ZNF184: variants seen among roughly 807,000 people sequenced by gnomAD.
The protein encoded by ZNF184 is zinc finger protein 184 (Kruppel-like).
Under a neutral mutation model 54.4 loss-of-function variants are expected in ZNF184, and 16 were observed. The observed-to-expected ratio is 0.29, with a 90% CI of 0.20 to 0.45. The LOEUF (loss-of-function observed/expected upper bound fraction) is 0.45, where lower values mean the gene tolerates loss of function less well. Among genes scored for constraint, ZNF184 ranks in the 20% least tolerant of loss-of-function variants. The pLI is 1.00. For synonymous variants in ZNF184, 254 were observed against 295.3 expected, an observed-to-expected ratio of 0.86 and a Z score of 1.43; for missense variants, 681 against 888.2, an observed-to-expected ratio of 0.77 and a Z score of 2.97.
the ZNF184 span, among the ~76,000 whole-genome samples, chr6:27,431,844 A>G: frequency 1.3e-5 from 2 of 152,322 alleles, no homozygotes; most frequent in East Asian, 3.9e-4. Context: ...GGCACGATGG[A>G]TGCCCCACAA....
chr6:27,447,214 A>T (rs191433178), downstream of ZNF184, among the ~76,000 whole-genome samples: 2 of 152,290 alleles, frequency 1.3e-5, no homozygotes, highest in East Asian at 3.9e-4. Flanking sequence ...CATCTGATTC[A>T]GATGAGACTC....
In ZNF184 at chr6:27,451,877, T is replaced by A; in HGVS notation, c.1682A>T (p.His561Leu). 6.2e-7 allele frequency: 1 copy of A among 1,612,602 alleles called. No homozygotes were observed. Among genetic ancestry groups the A allele is most frequent in the Non-Finnish European group, 8.5e-7 (1 of 1,179,998 alleles). The change falls in exon 6 of 6, where the codon CAT (histidine) becomes CTT (leucine). Residue 561 changes from histidine to leucine, a missense_variant. Physicochemically the swap from His to Leu is moderately conservative, Grantham distance 99. Transcript: ENST00000683788. ...ATAACTGAAGGTTTTCCCACATTCA[T>A]GACACTGATAGGGTTTCTCTCCAGT... is the stretch of plus-strand genomic sequence containing the variant. ...IHTGEKPYQC[H>L]ECGKTFSYGS...
chr6:27,442,880 A>AGAAAAGAAAG, the ZNF184 span, among the ~76,000 whole-genome samples: 2 of 86,174 alleles, frequency 2.3e-5, no homozygotes, highest in Admixed American at 1.2e-4. Flanking sequence ...GAAAGAAAGA[A>AGAAAAGAAAG]AAAGAAAAAA....
chr6:27,433,060 C>A, the ZNF184 span, among the ~76,000 whole-genome samples: 2 of 152,170 alleles, frequency 1.3e-5, no homozygotes, highest in South Asian at 4.1e-4. Context: ...ATGACTTCAA[C>A]CCCAGCCTTC....
chr6:27,421,899 G>C, the ZNF184 span, among the ~76,000 whole-genome samples: 1 of 151,934 alleles, frequency 6.6e-6, no homozygotes, highest in Non-Finnish European at 1.5e-5. Flanking sequence ...GGGAGACCCT[G>C]TCTCTACAAA....
rs1413794907 is a variant in ZNF184 at position 27,452,922 on chromosome 6, A to G, written c.637T>C (p.Ser213Pro). The G allele has an allele frequency of 6.2e-7, 1 of 1,613,978 alleles. No individual in the cohort carries two copies. The highest frequency in any genetic ancestry group is 8.5e-7 in the Non-Finnish European group (1 of 1,180,014). ...GATTTCTCTTTTTTAACTGGGTTTGAATTCTGTTTGATGCTTCTTTTAGTA... is the reference window on the plus strand; with the variant it reads ...GATTTCTCTTTTTTAACTGGGTTTGGATTCTGTTTGATGCTTCTTTTAGTA... ...TSTKRSIKQN[S>P]NPVKKEKSCK... The change falls in exon 6 of 6, where the codon TCA becomes CCA. Residue 213 changes from serine to proline, a missense_variant. Ser to Pro is a moderately conservative substitution (Grantham distance 74, BLOSUM62 -1). Transcript: ENST00000683788. This position sits in a 1 kb window ranked among gnomAD's most constrained non-coding sequence, Gnocchi z 5.5.
chr6:27,414,607 G>T, the ZNF184 span, among the ~76,000 whole-genome samples: 13,383 of 151,758 alleles, frequency 0.088, 743 homozygotes, highest in African/African-American at 0.14. Context: ...TATCCAGATG[G>T]CTCTTTCTTT....
chr6:27,428,680 G>A, the ZNF184 span, among the ~76,000 whole-genome samples: 4 of 152,168 alleles, frequency 2.6e-5, no homozygotes, highest in African/African-American at 7.2e-5. The surrounding 1 kb of genome is among the most constrained non-coding windows in gnomAD (Gnocchi z 4.1). Flanking sequence ...CAACTGGCAT[G>A]GTCTGGAAAA....
intron 3 of ZNF184, among the ~76,000 whole-genome samples, chr6:27,461,673 T>A (rs1339710022): frequency 1.3e-5 from 2 of 152,162 alleles, no homozygotes; most frequent in African/African-American, 4.8e-5. Flanking sequence ...AGGAAACAAA[T>A]GAGGTGAGCC....
chr6:27,459,139 G>A (rs1308872663), intron 3 of ZNF184, among the ~76,000 whole-genome samples: 1 of 152,152 alleles, frequency 6.6e-6, no homozygotes, highest in Non-Finnish European at 1.5e-5. Context: ...ACAGGTAGAT[G>A]GAAGGAATAA....
chr6:27,413,923 T>C, the ZNF184 span, among the ~76,000 whole-genome samples: 101 of 152,326 alleles, frequency 6.6e-4, 1 homozygote, highest in African/African-American at 2.3e-3. Flanking sequence ...CTGAACTCAA[T>C]GGATCCTTCA....
chr6:27,448,533 C>T (rs1016155626), downstream of ZNF184, among the ~76,000 whole-genome samples: 1 of 152,148 alleles, frequency 6.6e-6, no homozygotes, highest in Non-Finnish European at 1.5e-5. Flanking sequence ...TTACCATAGC[C>T]AAGAAAGTCC....
chr6:27,423,500 C>A, the ZNF184 span, among the ~76,000 whole-genome samples: 1 of 152,100 alleles, frequency 6.6e-6, no homozygotes, highest in African/African-American at 2.4e-5. Context: ...AAGGTTTTCA[C>A]TATCATTATA....
At chr6:27,442,900 A>AAAGAAAGAAAG in the ZNF184 span, among the ~76,000 whole-genome samples, 4 of 116,498 alleles carry the variant, frequency 3.4e-5, 1 homozygote, top group Non-Finnish European at 7.4e-5. Flanking sequence ...AAGAAAGAAA[A>AAAGAAAGAAAG]AAAAAAAGAA....
chr6:27,442,391 G>A, the ZNF184 span, among the ~76,000 whole-genome samples: 980 of 152,154 alleles, frequency 6.4e-3, 8 homozygotes, highest in African/African-American at 0.021. Context: ...AGGCCAAGGC[G>A]GGAGGATTAC....
chr6:27,451,182 T>A lies in ZNF184; in HGVS notation c.*121A>T. On this transcript the variant is annotated 3_prime_UTR_variant, in exon 6 of 6. Coordinates refer to ENST00000683788, the MANE Select transcript of ZNF184 (RefSeq NM_001318891.2). Reference sequence around the variant, plus strand: ...CCAATGTACTTTCCATTCCATAACATGATAGTGAAAATTTAAAAGATTTCA... The same window carrying A: ...CCAATGTACTTTCCATTCCATAACAAGATAGTGAAAATTTAAAAGATTTCA... The A allele has an allele frequency of 8.3e-7, 1 of 1,210,378 alleles. No individual in the cohort carries two copies. The highest frequency in any genetic ancestry group is 1.1e-6 in the Non-Finnish European group (1 of 875,832). 75.0% of individuals were successfully genotyped at this position (1,210,378 alleles called of 1,614,324 possible). A position where few individuals can be genotyped will look rare whatever the true frequency, so the allele number is the denominator to read the frequency against.
chr6:27,431,966 C>A, the ZNF184 span, among the ~76,000 whole-genome samples: 2 of 152,144 alleles, frequency 1.3e-5, no homozygotes, highest in Non-Finnish European at 2.9e-5. Flanking sequence ...GGCAGGCTCC[C>A]AAACTAGTCC....
chr6:27,428,621 G>A, the ZNF184 span, among the ~76,000 whole-genome samples: 1 of 152,192 alleles, frequency 6.6e-6, no homozygotes, highest in Non-Finnish European at 1.5e-5. This position sits in a 1 kb window ranked among gnomAD's most constrained non-coding sequence, Gnocchi z 4.1. Context: ...GAAACCAAAT[G>A]CTAAGTAACT....
the ZNF184 span, among the ~76,000 whole-genome samples, chr6:27,430,498 T>C: frequency 6.5e-4 from 99 of 152,162 alleles, 1 homozygote; most frequent in African/African-American, 2.2e-3. Flanking sequence ...CATGTATTCT[T>C]GTAAGAGGGA....
Sources: allele counts gnomAD v4.1 joint callset (sites outside exome capture counted in the v4.1 genomes callset), GRCh38; gene constraint gnomAD v4.1.1; non-coding constraint Gnocchi (gnomAD v3.1); transcripts MANE v1.5; gene names NCBI Gene and HGNC (gene_info 2026-07-23, HGNC 2026-07-21).